Variants in CHIA observed in about 807,000 individuals in gnomAD.
CHIA encodes the protein chitinase acidic.
A neutral mutation model predicts 53.5 loss-of-function variants in CHIA; 47 were observed. The observed-to-expected ratio is 0.88, with a 90% CI of 0.70 to 1.12. The LOEUF is 1.12. CHIA is among the 50% of genes most tolerant of loss of function. The pLI, the probability that CHIA is intolerant of heterozygous loss-of-function variation, is 0.00. For synonymous variants in CHIA, 268 were observed against 222.2 expected (o/e 1.21, Z -1.83); for missense variants, 652 against 592.2 (o/e 1.10, Z -1.05).
At chr1:111,294,889 G>T (rs140564367) in intron 1 of CHIA, among the ~76,000 whole-genome samples, 1 of 151,978 alleles carries the variant, frequency 6.6e-6, no homozygotes, top group African/African-American at 2.4e-5. Context: ...TAAATCCCTC[G>T]TGAACACAGT....
intron 1 of CHIA, 75 bp from the exon 2 acceptor site, chr1:111,310,325 T>G: frequency 6.8e-7 from 1 of 1,475,148 alleles, no homozygotes. Context: ...CTTGGGAGGG[T>G]GTTTGTAGAA....
At chr1:111,315,620 T>C in intron 6 of CHIA, 185 bp downstream of exon 6, 1 of 626,176 alleles carries the variant, frequency 1.6e-6, no homozygotes, top group Non-Finnish European at 2.8e-6. Flanking sequence ...AAGCAACATG[T>C]GAGCTCTGTG....
intron 6 of CHIA, 117 bp downstream of exon 6, chr1:111,315,552 A>C (rs571376295): frequency 9.3e-7 from 1 of 1,076,040 alleles, no homozygotes; most frequent in Non-Finnish European, 1.3e-6. Context: ...GAATATTAGC[A>C]TTGCAAAGAG....
At position 111,318,616 on chromosome 1, in the gene CHIA, A is replaced by G. The variant is rs776382532; in HGVS notation, c.853A>G (p.Thr285Ala). The change falls in exon 9 of 12, where the codon ACC (threonine) becomes GCC (alanine). Residue 285 changes from threonine to alanine, a missense_variant. Transcript: ENST00000369740. ...NPSNTGIGAPTSGAGPAGPYA... is the reference protein window; with the variant it reads ...NPSNTGIGAPASGAGPAGPYA... ...CTCCAACACTGGAATTGGTGCCCCC[A>G]CCTCTGGTGCTGGTCCTGCTGGGCC... The G allele has an allele frequency of 1.2e-6, 2 of 1,614,130 alleles. No individual in the cohort carries two copies. Among genetic ancestry groups the G allele is most frequent in the East Asian group, 2.2e-5 (1 of 44,874 alleles).
At chr1:111,293,139 A>AT (rs1159193490) in intron 1 of CHIA, among the ~76,000 whole-genome samples, 1 of 146,560 alleles carries the variant, frequency 6.8e-6, no homozygotes, top group East Asian at 2.0e-4. Flanking sequence ...TCTATGTATG[A>AT]TTTTTTTAGG....
chr1:111,290,973 CT>C (rs1660978480), intron 1 of CHIA, 23 bp downstream of exon 1: 1 of 415,484 alleles, frequency 2.4e-6, no homozygotes, highest in Non-Finnish European at 4.8e-6. Flanking sequence ...ATATATATAT[CT>C]TTTCCCTTCT....
intron 1 of CHIA, among the ~76,000 whole-genome samples, chr1:111,296,994 A>G (rs1661378941): frequency 6.6e-6 from 1 of 152,230 alleles, no homozygotes; most frequent in Non-Finnish European, 1.5e-5. Flanking sequence ...GATCAAATTA[A>G]TGAAATAAAC....
At chr1:111,306,880 T>C (rs1010070136) in intron 1 of CHIA, among the ~76,000 whole-genome samples, 1 of 152,204 alleles carries the variant, frequency 6.6e-6, no homozygotes, top group Non-Finnish European at 1.5e-5. Flanking sequence ...AGATATAAAC[T>C]AAAACTACTC....
At chr1:111,320,122 C>A in intron 11 of CHIA, 91 bp from the exon 12 acceptor site, 1 of 1,213,822 alleles carries the variant, frequency 8.2e-7, no homozygotes, top group Non-Finnish European at 1.2e-6. Flanking sequence ...CCCACCTCCA[C>A]ACTTCCACTC....
intron 1 of CHIA, among the ~76,000 whole-genome samples, chr1:111,302,055 T>A (rs990824577): frequency 1.2e-4 from 18 of 151,812 alleles, no homozygotes; most frequent in South Asian, 2.1e-4. Flanking sequence ...AAGTAAAATT[T>A]AAAAAAAAGC....
intron 1 of CHIA, among the ~76,000 whole-genome samples, chr1:111,297,901 C>CAAAA (rs1188512345): frequency 0.099 from 3,144 of 31,850 alleles, 441 homozygotes; most frequent in South Asian, 0.12. Context: ...AAATGGAAAG[C>CAAAA]AAAAAAAAAA....
At chr1:111,311,259 A>G (rs1239381542) in intron 2 of CHIA, among the ~76,000 whole-genome samples, 1 of 152,204 alleles carries the variant, frequency 6.6e-6, no homozygotes, top group Non-Finnish European at 1.5e-5. Context: ...CCTGAAAGTC[A>G]TTCCAAAAAA....
At chr1:111,302,499 CT>C (rs1280430189) in intron 1 of CHIA, among the ~76,000 whole-genome samples, 2 of 152,142 alleles carry the variant, frequency 1.3e-5, no homozygotes, top group Non-Finnish European at 2.9e-5. Context: ...CTTATGACTA[CT>C]TCTTTAATCT....
At chr1:111,300,741 T>C (rs1647653165) in intron 1 of CHIA, among the ~76,000 whole-genome samples, 1 of 152,212 alleles carries the variant, frequency 6.6e-6, no homozygotes, top group Admixed American at 6.5e-5. Context: ...GGGATCTAAT[T>C]AAACTAAAGA....
chr1:111,301,724 A>AC (rs1647756238), intron 1 of CHIA, among the ~76,000 whole-genome samples: 1 of 138,550 alleles, frequency 7.2e-6, no homozygotes. Flanking sequence ...AAAAAAAAAA[A>AC]AAGATGAGTT....
At chr1:111,296,509 C>A (rs1169541663) in intron 1 of CHIA, among the ~76,000 whole-genome samples, 3 of 152,198 alleles carry the variant, frequency 2.0e-5, no homozygotes, top group East Asian at 3.8e-4. Flanking sequence ...AACTAACAAA[C>A]AAAAGGAATA....
intron 1 of CHIA, among the ~76,000 whole-genome samples, chr1:111,294,348 T>C (rs1479838675): frequency 6.6e-6 from 1 of 152,244 alleles, no homozygotes; most frequent in African/African-American, 2.4e-5. Context: ...TTATAATTTT[T>C]CTTTTTTTAT....
At chr1:111,296,737 A>G (rs957522529) in intron 1 of CHIA, among the ~76,000 whole-genome samples, 2 of 152,258 alleles carry the variant, frequency 1.3e-5, no homozygotes, top group Non-Finnish European at 2.9e-5. Context: ...ATGAGTTGAC[A>G]GAAGTAGGCT....
intron 1 of CHIA, among the ~76,000 whole-genome samples, chr1:111,307,383 T>C (rs1299627658): frequency 2.6e-5 from 4 of 152,112 alleles, no homozygotes; most frequent in African/African-American, 9.7e-5. Context: ...TTCTATAAAG[T>C]CAAGACTAAT....
Sources: allele counts gnomAD v4.1 joint callset (sites outside exome capture counted in the v4.1 genomes callset), GRCh38; gene constraint gnomAD v4.1.1; transcripts MANE v1.5; gene names NCBI Gene and HGNC (gene_info 2026-07-23, HGNC 2026-07-21).